The following TSEN2 variants were observed in gnomAD, a reference collection of about 807,000 sequenced individuals.
TSEN2 encodes the protein tRNA-splicing endonuclease subunit Sen2.
TSEN2 carries 54 observed loss-of-function variants against 59.2 expected under a neutral mutation model. The observed-to-expected ratio is 0.91, with a 90% CI of 0.73 to 1.14. The LOEUF (loss-of-function observed/expected upper bound fraction) is 1.14, where lower values mean the gene tolerates loss of function less well. Among genes scored for constraint, TSEN2 ranks in the 50% most tolerant of loss-of-function variants. The pLI, the probability that TSEN2 is intolerant of heterozygous loss-of-function variation, is 0.00. For missense variants in TSEN2, 636 were observed against 576.2 expected, an observed-to-expected ratio of 1.10 and a Z score of -1.06; for synonymous variants, 195 against 198.2, an observed-to-expected ratio of 0.98 and a Z score of 0.14.
chr3:12,532,758 A>G lies in TSEN2; in HGVS notation c.*37A>G. On this transcript the variant is annotated 3_prime_UTR_variant, in exon 12 of 12. Transcript: ENST00000284995. The stretch of plus-strand genomic sequence containing the variant: ...CAAATTTCTAATTTCACCAACAACT[A>G]TTTATTGAGGGCTAGGTAAAAAGTT... 1 of 1,601,998 alleles carries G rather than the reference A, an allele frequency of 6.2e-7. No individual in the cohort carries two copies.
At chr3:12,506,440 C>A (rs762421318) in intron 6 of TSEN2, among the ~76,000 whole-genome samples, 2 of 151,954 alleles carry the variant, frequency 1.3e-5, no homozygotes, top group Non-Finnish European at 1.5e-5. Context: ...ACAAAAAATA[C>A]AAAAATTAGC....
chr3:12,496,890 TC>T (rs1341205447), intron 4 of TSEN2, among the ~76,000 whole-genome samples: 1 of 152,120 alleles, frequency 6.6e-6, no homozygotes, highest in Admixed American at 6.5e-5. Context: ...GATGGTCCTG[TC>T]CCCCTTCCTC....
chr3:12,502,649 T>G (rs2054394466), intron 4 of TSEN2, among the ~76,000 whole-genome samples: 1 of 151,394 alleles, frequency 6.6e-6, no homozygotes, highest in Admixed American at 6.6e-5. Flanking sequence ...ATTTTCATAG[T>G]TTGTTAAACT....
upstream of TSEN2, among the ~76,000 whole-genome samples, chr3:12,482,510 A>AATC (rs1310226017): frequency 2.0e-5 from 3 of 152,166 alleles, no homozygotes; most frequent in Non-Finnish European, 4.4e-5. Context: ...GCACTTGAGA[A>AATC]AGTCTTGGGG....
Position 12,519,040 on chromosome 3 carries a change from T to G in TSEN2, c.961-19T>G. 1 of 1,614,146 alleles carries G rather than the reference T, an allele frequency of 6.2e-7. No individual in the cohort carries two copies. The highest frequency in any genetic ancestry group is 2.2e-5 in the East Asian group (1 of 44,894). On this transcript the variant is annotated intron_variant, in intron 7 of 11. Transcript: ENST00000284995. ...TGCATACATAGTAATGCTTTTTGTT[T>G]TTTTGTAAATAACTTTAGGAGCCTT...
chr3:12,510,496 G>A (rs2055324801), intron 6 of TSEN2, among the ~76,000 whole-genome samples: 1 of 152,208 alleles, frequency 6.6e-6, no homozygotes, highest in South Asian at 2.1e-4. Flanking sequence ...TCCCCACACA[G>A]GAGGACCAGG....
intron 8 of TSEN2, among the ~76,000 whole-genome samples, chr3:12,528,149 C>G (rs558716515): frequency 1.3e-5 from 2 of 152,166 alleles, no homozygotes; most frequent in Non-Finnish European, 2.9e-5. Context: ...TTTTACCAAC[C>G]CCTGTCACAG....
In TSEN2 at chr3:12,503,362, G is replaced by A; in HGVS notation, c.409G>A (p.Glu137Lys). The A allele has an allele frequency of 6.2e-7, 1 of 1,614,214 alleles. No homozygotes were observed. The highest frequency in any genetic ancestry group is 8.5e-7 in the Non-Finnish European group (1 of 1,180,032). The change falls in exon 5 of 12, where the codon GAG (glutamate) becomes AAG (lysine). Residue 137 changes from glutamate to lysine, a missense_variant. By Grantham distance (56) the Glu-to-Lys change is moderately conservative (BLOSUM62 1). Transcript: ENST00000284995. ...CCTCAAGGATTACACGAAACCGCTT[G>A]AGCATCCTCCTGTGAAAAGGAATGA... ...RILKDYTKPL[E>K]HPPVKRNEEA...
In TSEN2 at chr3:12,532,420, A is replaced by C. The variant is rs979997253; in HGVS notation, c.1339-242A>C. Among the ~76,000 whole-genome samples the C allele has an allele frequency of 2.0e-5, 3 of 152,356 alleles. No homozygotes were observed. The South Asian group carries it at 6.2e-4, about 32-fold the overall frequency. On this transcript the variant is annotated intron_variant, in intron 11 of 11. Transcript: ENST00000284995. ...ACCTGTTTCTGAAATGTGCTAGTAG[A>C]ATACCACAGCAGAGGCAAGCTTAGC...
chr3:12,518,740 G>A (rs1233707726), intron 7 of TSEN2, among the ~76,000 whole-genome samples: 1 of 146,810 alleles, frequency 6.8e-6, no homozygotes, highest in African/African-American at 2.5e-5. Flanking sequence ...GGAAGTCAGT[G>A]TATATTTTAC....
chr3:12,507,182 G>A (rs1463487022), intron 6 of TSEN2, among the ~76,000 whole-genome samples: 1 of 152,196 alleles, frequency 6.6e-6, no homozygotes, highest in East Asian at 1.9e-4. Context: ...GAAAGAGTAA[G>A]ACTCCGTCTC....
At chr3:12,506,343 C>T (rs982840739) in intron 6 of TSEN2, among the ~76,000 whole-genome samples, 2 of 152,042 alleles carry the variant, frequency 1.3e-5, no homozygotes, top group African/African-American at 4.8e-5. Flanking sequence ...ACCTGTAATC[C>T]CAGCACTCTG....
At chr3:12,539,376 T>C (rs768819164) in exon 11 of TSEN2, 1 of 307,880 alleles carries the variant, frequency 3.2e-6, no homozygotes, top group Non-Finnish European at 6.3e-6. Flanking sequence ...TCAAGTGATC[T>C]GCCCGCCTTG....
chr3:12,535,340 T>A (rs935780238), downstream of TSEN2, among the ~76,000 whole-genome samples: 4 of 152,202 alleles, frequency 2.6e-5, no homozygotes, highest in African/African-American at 9.7e-5. Context: ...CTGGAAAATT[T>A]GAGTCTATCT....
chr3:12,495,571 C>T (rs577811420), intron 3 of TSEN2, among the ~76,000 whole-genome samples: 5 of 152,294 alleles, frequency 3.3e-5, no homozygotes, highest in East Asian at 3.9e-4. Flanking sequence ...TCAACCTAAT[C>T]GGATAGACTT....
upstream of TSEN2, among the ~76,000 whole-genome samples, chr3:12,480,728 T>C (rs1190400793): frequency 3.9e-5 from 6 of 151,918 alleles, no homozygotes; most frequent in Admixed American, 1.3e-4. Flanking sequence ...GAGACGGGGT[T>C]TTGCCATGTT....
At position 12,528,871 on chromosome 3, in the gene TSEN2, T is replaced by C; in HGVS notation, c.1100-17T>C. On this transcript the variant is annotated splice_polypyrimidine_tract_variant and intron_variant, in intron 8 of 11. Transcript: ENST00000284995. ...TTTTGAGTGGTTATACTTCTTTTTT[T>C]TCTTTCTTCTTTGCAGTGCTATATC... 2 of 1,613,948 alleles carry C rather than the reference T, an allele frequency of 1.2e-6. No individual in the cohort carries two copies. The highest frequency in any genetic ancestry group is 1.7e-6 in the Non-Finnish European group (2 of 1,179,928).
downstream of TSEN2, among the ~76,000 whole-genome samples, chr3:12,536,686 G>C (rs1230152080): frequency 6.6e-6 from 1 of 152,094 alleles, no homozygotes; most frequent in Non-Finnish European, 1.5e-5. Context: ...AAAACCTATA[G>C]ATTGGTATGT....
chr3:12,535,436 G>A (rs1353578598), downstream of TSEN2, among the ~76,000 whole-genome samples: 1 of 152,112 alleles, frequency 6.6e-6, no homozygotes, highest in East Asian at 1.9e-4. Context: ...TATTTTTATT[G>A]CAAGTATGAT....
Sources: allele counts gnomAD v4.1 joint callset (sites outside exome capture counted in the v4.1 genomes callset), GRCh38; gene constraint gnomAD v4.1.1; transcripts MANE v1.5; gene names NCBI Gene and HGNC (gene_info 2026-07-23, HGNC 2026-07-21).